The following TMC2 variants were observed in gnomAD, a reference collection of about 807,000 sequenced individuals.
TMC2 encodes transmembrane channel like 2, also known as transmembrane channel-like protein 2.
In TMC2, 102 loss-of-function variants were observed where a neutral mutation model predicts 105.9. That is an observed-to-expected ratio of 0.96 (90% CI 0.82 to 1.14). The LOEUF (loss-of-function observed/expected upper bound fraction) is 1.14. Ranked by LOEUF, TMC2 falls within the 50% of genes most tolerant of loss-of-function variation. TMC2 has a pLI of 0.00. For missense variants in TMC2, 1,093 were observed against 1,134.3 expected, an observed-to-expected ratio of 0.96 and a Z score of 0.52; for synonymous variants, 402 against 422.8, an observed-to-expected ratio of 0.95 and a Z score of 0.60.
At position 2,611,437 on chromosome 20, in the gene TMC2, G is replaced by A. The variant is rs116038249; in HGVS notation, c.1594-754G>A. Among the ~76,000 whole-genome samples, 534 of 152,212 alleles carry A rather than the reference G, an allele frequency of 3.5e-3. 3 individuals are homozygous for A. Among genetic ancestry groups the A allele is most frequent in the African/African-American group, 0.013 (520 of 41,542 alleles). On this transcript the variant is annotated intron_variant, in intron 12 of 19. Coordinates refer to ENST00000358864, the MANE Select transcript of TMC2 (RefSeq NM_080751.3). ...ACCCAGGAGACTGCTCTACCCTCCT[G>A]AGCCTCACATTTCTGCCACAGGGCA...
chr20:2,638,356 CA>C (rs58078004), intron 19 of TMC2, among the ~76,000 whole-genome samples: 7 of 142,610 alleles, frequency 4.9e-5, no homozygotes, highest in Non-Finnish European at 6.1e-5. Context: ...GACTCCATCT[CA>C]AAAAAAAAAA....
At chr20:2,638,835 T>C (rs1568533973) in intron 19 of TMC2, among the ~76,000 whole-genome samples, 1 of 152,202 alleles carries the variant, frequency 6.6e-6, no homozygotes, top group Non-Finnish European at 1.5e-5. Flanking sequence ...AAGCCAACTG[T>C]TATTATAAAA....
chr20:2,542,912 A>C (rs898471509), intron 2 of TMC2, among the ~76,000 whole-genome samples: 1 of 125,092 alleles, frequency 8.0e-6, no homozygotes, highest in African/African-American at 3.1e-5. Context: ...TAATATACTT[A>C]GTATTTAGTA....
In TMC2 at chr20:2,643,101, C is replaced by A. The variant is rs1308110364; in HGVS notation, c.*1750C>A. On this transcript the variant is annotated 3_prime_UTR_variant, in exon 20 of 20. Coordinates refer to ENST00000358864, the MANE Select transcript of TMC2 (RefSeq NM_080751.3). ...AATAGGGACATGTGACCAGGAGAAACAGGATAAATTATTTCACACCAATCT... is the reference window on the plus strand; with the variant it reads ...AATAGGGACATGTGACCAGGAGAAAAAGGATAAATTATTTCACACCAATCT... 6.6e-6 allele frequency among the ~76,000 whole-genome samples: 1 copy of A among 152,118 alleles called. No individual in the cohort carries two copies. The highest frequency in any genetic ancestry group is 1.5e-5 in the Non-Finnish European group (1 of 68,010).
Position 2,641,407 on chromosome 20 carries a change from T to TCA in TMC2, c.*61_*62dup. 8.6e-7 allele frequency: 1 copy of TCA among 1,156,656 alleles called. No individual in the cohort carries two copies. Among genetic ancestry groups the TCA allele is most frequent in the Middle Eastern group, 2.2e-4 (1 of 4,598 alleles). 71.6% of individuals were successfully genotyped at this position (1,156,656 alleles called of 1,614,324 possible). A position where few individuals can be genotyped will look rare whatever the true frequency, so the allele number is the denominator to read the frequency against. On this transcript the variant is annotated 3_prime_UTR_variant, in exon 20 of 20. Coordinates refer to ENST00000358864, the MANE Select transcript of TMC2 (RefSeq NM_080751.3). ...GGGCTGATCCTCAAGTACCCCAGTT[T>TCA]CACACATACCAAACCAAGGTTCTCT... is the stretch of plus-strand genomic sequence containing the variant.
At chr20:2,586,581 G>A (rs1280766188) in intron 7 of TMC2, among the ~76,000 whole-genome samples, 1 of 152,210 alleles carries the variant, frequency 6.6e-6, no homozygotes, top group Non-Finnish European at 1.5e-5. Context: ...CACTTGGCGA[G>A]AGCAGGAGCA....
chr20:2,591,760 G>GAAAA (rs1321281755), intron 7 of TMC2, among the ~76,000 whole-genome samples: 136 of 147,258 alleles, frequency 9.2e-4, no homozygotes, highest in African/African-American at 3.1e-3. Context: ...GAAAAGAAAA[G>GAAAA]GAAAGGAAAA....
chr20:2,550,174 G>A (rs1321121643), intron 2 of TMC2, among the ~76,000 whole-genome samples: 1 of 128,372 alleles, frequency 7.8e-6, no homozygotes, highest in Non-Finnish European at 1.6e-5. Context: ...AACAGAGCCA[G>A]ACTCTGTCTC....
At chr20:2,621,641 A>C (rs550483737) in intron 16 of TMC2, among the ~76,000 whole-genome samples, 4 of 152,272 alleles carry the variant, frequency 2.6e-5, no homozygotes, top group Admixed American at 2.0e-4. Flanking sequence ...TGCACTCCAG[A>C]CTGGGCAACG....
chr20:2,619,737 GAAT>G (rs1191403759), intron 16 of TMC2, among the ~76,000 whole-genome samples: 1 of 152,174 alleles, frequency 6.6e-6, no homozygotes, highest in African/African-American at 2.4e-5. Flanking sequence ...AAGGAGAACC[GAAT>G]GGAAGAAGCC....
Position 2,592,292 on chromosome 20 carries a change from A to G in TMC2, c.835-18A>G. 1 of 1,551,394 alleles carries G rather than the reference A, an allele frequency of 6.4e-7. No individual in the cohort carries two copies. The highest frequency in any genetic ancestry group is 8.9e-7 in the Non-Finnish European group (1 of 1,123,536). ...TATTTCCTCCACTCATACTTGTGTC[A>G]TTGTGTTTCTGCACAAGGTACTGAT... On this transcript the variant is annotated intron_variant, in intron 7 of 19. Coordinates refer to ENST00000358864, the MANE Select transcript of TMC2 (RefSeq NM_080751.3). The surrounding 1 kb of genome is among the most constrained non-coding windows in gnomAD (Gnocchi z 4.9).
intron 1 of TMC2, 74 bp downstream of exon 1, chr20:2,536,729 A>G: frequency 6.6e-7 from 1 of 1,513,888 alleles, no homozygotes; most frequent in African/African-American, 1.4e-5. Context: ...GGGGAAGCAC[A>G]TATGGTGTTC....
intron 17 of TMC2, among the ~76,000 whole-genome samples, chr20:2,628,393 GT>G (rs980451231): frequency 1.1e-4 from 17 of 151,986 alleles, no homozygotes; most frequent in African/African-American, 3.9e-4. Context: ...ACTAGTTTTT[GT>G]TTTTCTATGT....
rs776345658 is a variant in TMC2, at chr20:2,561,963, C to T, written c.507C>T (p.Thr169=). Residue 169 remains threonine, a synonymous_variant, in exon 4 of 20, where the codon ACC becomes ACT. Transcript: ENST00000358864. ...QVEEKKKLIA[T]MRSKPWPMAK... ...AAGAAAAAAAGAAGCTCATTGCCAC[C>T]ATGCGGAGCAAGCCCTGGCCCATGG... 4.1e-5 allele frequency: 66 copies of T among 1,614,132 alleles called. No homozygotes were observed. The highest frequency in any genetic ancestry group is 5.3e-5 in the Non-Finnish European group (63 of 1,180,036).
rs747866672 is a variant in TMC2 at position 2,641,182 on chromosome 20, C to T, written c.2552C>T (p.Ala851Val). Residue 851 changes from alanine to valine, a missense_variant, in exon 20 of 20, where the codon GCG becomes GTG. Transcript: ENST00000358864. ...CAAAGCCAGGCCATGGACAAGAAGGCGCAGGGCCCTGGGACCTCCAATTCT... is the reference window on the plus strand; with the variant it reads ...CAAAGCCAGGCCATGGACAAGAAGGTGCAGGGCCCTGGGACCTCCAATTCT... ...ASQSQAMDKK[A>V]QGPGTSNSAS... The T allele has an allele frequency of 1.5e-5, 25 of 1,614,046 alleles. No homozygotes were observed. Among genetic ancestry groups the T allele is most frequent in the Middle Eastern group, 1.6e-4 (1 of 6,082 alleles).
intron 17 of TMC2, among the ~76,000 whole-genome samples, chr20:2,628,665 T>G (rs1212774324): frequency 6.6e-6 from 1 of 152,240 alleles, no homozygotes; most frequent in Non-Finnish European, 1.5e-5. Context: ...CCCGCCACTT[T>G]GTGAAGAAGG....
chr20:2,563,966 G>T (rs1600102724), intron 4 of TMC2, among the ~76,000 whole-genome samples: 1 of 151,992 alleles, frequency 6.6e-6, no homozygotes, highest in South Asian at 2.1e-4. Context: ...GGACTCAAGC[G>T]ATCCTCCCAC....
chr20:2,604,217 C>A (rs997815694), intron 11 of TMC2, among the ~76,000 whole-genome samples: 4 of 152,192 alleles, frequency 2.6e-5, no homozygotes, highest in Non-Finnish European at 5.9e-5. Flanking sequence ...GCTTTTTGAA[C>A]AAGGCCAGGT....
At chr20:2,597,848 G>A (rs1400803268) in intron 10 of TMC2, among the ~76,000 whole-genome samples, 1 of 152,014 alleles carries the variant, frequency 6.6e-6, no homozygotes, top group Non-Finnish European at 1.5e-5. Flanking sequence ...ACCTGGTGCT[G>A]CCTGTTTCTA....
Sources: allele counts gnomAD v4.1 joint callset (sites outside exome capture counted in the v4.1 genomes callset), GRCh38; gene constraint gnomAD v4.1.1; non-coding constraint Gnocchi (gnomAD v3.1); transcripts MANE v1.5; gene names NCBI Gene and HGNC (gene_info 2026-07-23, HGNC 2026-07-21).